The following KNTC1 variants were observed in gnomAD, a reference collection of about 807,000 sequenced individuals.
KNTC1 encodes kinetochore-associated protein 1.
KNTC1 carries 253 observed loss-of-function variants against 314.4 expected under a neutral mutation model. The observed-to-expected ratio is 0.80, with a 90% CI of 0.73 to 0.89. The LOEUF (loss-of-function observed/expected upper bound fraction) is 0.89, where lower values mean the gene tolerates loss of function less well. Ranked by LOEUF, KNTC1 falls within the 40% of genes least tolerant of loss-of-function variation. The probability of loss-of-function intolerance (pLI) is 0.00; values close to 1 mark genes in which losing one functional copy is unlikely to be tolerated. For synonymous variants in KNTC1, 901 were observed against 901.4 expected (o/e 1.00, Z 0.01); for missense variants, 2,475 against 2,572.9 (o/e 0.96, Z 0.82).
intron 43 of KNTC1, among the ~76,000 whole-genome samples, chr12:122,595,238 G>C (rs1593641819): frequency 6.6e-6 from 1 of 152,140 alleles, no homozygotes; most frequent in African/African-American, 2.4e-5. Flanking sequence ...TGATAAGTAG[G>C]GATAAATGAT....
intron 40 of KNTC1, among the ~76,000 whole-genome samples, chr12:122,589,858 A>C (rs1000244918): frequency 2.3e-5 from 3 of 132,182 alleles, no homozygotes; most frequent in Non-Finnish European, 4.6e-5. Context: ...ATTTCGGCTC[A>C]CTGCAAGCTC....
At chr12:122,608,647 G>A (rs1379565248) in intron 51 of KNTC1, among the ~76,000 whole-genome samples, 1 of 152,114 alleles carries the variant, frequency 6.6e-6, no homozygotes. Flanking sequence ...GTTCCTTGAG[G>A]CCAGAAACTG....
At position 122,613,117 on chromosome 12, in the gene KNTC1, A is replaced by G. The variant is rs771525911; in HGVS notation, c.5628A>G (p.Leu1876=). 6.2e-7 allele frequency: 1 copy of G among 1,600,318 alleles called. No homozygotes were observed. Among genetic ancestry groups the G allele is most frequent in the Non-Finnish European group, 8.6e-7 (1 of 1,168,524 alleles). ...FVFATSTTTT[L]GMHQLTFAHR... ...AACCTCTTTTGGTTTTTCAGACATT[A>G]GGTATGCATCAGTTAACTTTTGCCC... The change falls in exon 54 of 64, where the codon TTA becomes TTG. Residue 1876 remains leucine (L), a synonymous_variant. Transcript: ENST00000333479.
rs1472938231 is a variant in KNTC1, at chr12:122,605,282, TTTTC to T, written c.5387-20_5387-17del. The T allele has an allele frequency of 1.2e-5, 17 of 1,461,584 alleles. No homozygotes were observed. The South Asian group carries it at 1.5e-4, about 13-fold the overall frequency. The allele number at this position is 1,461,584 out of a possible 1,614,324, so 90.5% of individuals were successfully genotyped here. ...TAAATATTTAAAACTTGAGTTTTTC[TTTTC>T]TTTATTTTGAATATCTTAGATATTC... On this transcript the variant is annotated intron_variant, in intron 50 of 63. Transcript: ENST00000333479.
chr12:122,615,177 C>A, intron 56 of KNTC1, 91 bp downstream of exon 56: 3 of 947,096 alleles, frequency 3.2e-6, no homozygotes, highest in Admixed American at 2.4e-5. Context: ...TGTTATGGAA[C>A]AGATTTATGC....
Position 122,603,588 on chromosome 12 carries a change from G to A in KNTC1, c.5101+345G>A, listed in dbSNP as rs562100063. Reference sequence around the variant, plus strand: ...GCTCACCGCAACCTCCACCTCCCGGGTTCAAGTGATTCTCCTGCCTCAGTC... The same window carrying A: ...GCTCACCGCAACCTCCACCTCCCGGATTCAAGTGATTCTCCTGCCTCAGTC... On this transcript the variant is annotated intron_variant, in intron 48 of 63. Coordinates refer to ENST00000333479, the MANE Select transcript of KNTC1 (RefSeq NM_014708.6). Among the ~76,000 whole-genome samples the A allele has an allele frequency of 4.7e-4, 72 of 152,172 alleles. 1 individual carries two copies. The highest frequency in any genetic ancestry group is 3.4e-3 in the Middle Eastern group (1 of 294).
chr12:122,605,486 T>C lies in KNTC1; in HGVS notation c.5496+71T>C, dbSNP rs1872493631. The stretch of plus-strand genomic sequence containing the variant: ...ATGGCTTCTTCTCAAAGGCTAAATA[T>C]TTATCCCACATGATACAGCCTTCTA... On this transcript the variant is annotated intron_variant, in intron 51 of 63. Transcript: ENST00000333479. 7 of 722,226 alleles carry C rather than the reference T, an allele frequency of 9.7e-6. No individual in the cohort carries two copies. The East Asian group carries it at 1.4e-4, about 14-fold the overall frequency. The allele number at this position is 722,226 out of a possible 1,614,324, so 44.7% of individuals were successfully genotyped here. A position where few individuals can be genotyped will look rare whatever the true frequency, so the allele number is the denominator to read the frequency against.
chr12:122,594,488 A>G (rs4319547), intron 43 of KNTC1, 103 bp downstream of exon 43: 516,929 of 674,874 alleles, frequency 0.77, 199,596 homozygotes, highest in African/African-American at 0.88. Flanking sequence ...TCCATAGACC[A>G]CTATTTTCTT....
intron 8 of KNTC1, 142 bp downstream of exon 8, chr12:122,544,411 C>T: frequency 1.9e-6 from 1 of 532,470 alleles, no homozygotes; most frequent in Non-Finnish European, 3.3e-6. Context: ...TTAAAAATAA[C>T]TCAATAAATA....
chr12:122,575,349 C>A (rs1232105936), intron 27 of KNTC1, among the ~76,000 whole-genome samples, 194 bp from the exon 28 acceptor site: 1 of 152,196 alleles, frequency 6.6e-6, no homozygotes, highest in East Asian at 1.9e-4. Context: ...AAATACTCTT[C>A]TGAATTTTTC....
chr12:122,604,712 G>T, intron 49 of KNTC1, 75 bp downstream of exon 49: 1 of 1,266,314 alleles, frequency 7.9e-7, no homozygotes, highest in Non-Finnish European at 1.1e-6. Context: ...ACCTTCTCAT[G>T]CTGCCCTGGT....
At chr12:122,594,216 A>ATTAAG in intron 42 of KNTC1, 60 bp from the exon 43 acceptor site, 2 of 926,096 alleles carry the variant, frequency 2.2e-6, no homozygotes, top group Non-Finnish European at 3.5e-6. Context: ...TGTTGCCCTT[A>ATTAAG]CTCTGATACA....
intron 51 of KNTC1, 67 bp downstream of exon 51, chr12:122,605,482 A>C: frequency 1.3e-6 from 1 of 742,482 alleles, no homozygotes; most frequent in South Asian, 1.7e-5. Flanking sequence ...TCAAAGGCTA[A>C]ATATTTATCC....
intron 3 of KNTC1, among the ~76,000 whole-genome samples, chr12:122,535,889 G>GTTTT (rs1190271040): frequency 2.2e-5 from 3 of 133,532 alleles, no homozygotes; most frequent in East Asian, 2.2e-4. Flanking sequence ...TATTATGAAA[G>GTTTT]TTTTTTTTTT....
At position 122,598,778 on chromosome 12, in the gene KNTC1, G is replaced by A. The variant is rs935148523; in HGVS notation, c.4563+840G>A. Among the ~76,000 whole-genome samples, 20 of 151,422 alleles carry A rather than the reference G, an allele frequency of 1.3e-4. No individual in the cohort carries two copies. The South Asian group carries it at 1.7e-3, about 13-fold the overall frequency. ...TTCCATTATATGGATAAAACATGCCGTATTTAACCAGGCTTTTATGGTTAG... is the reference window on the plus strand; with the variant it reads ...TTCCATTATATGGATAAAACATGCCATATTTAACCAGGCTTTTATGGTTAG... On this transcript the variant is annotated intron_variant, in intron 44 of 63. Transcript: ENST00000333479.
rs568941805 is a variant in KNTC1, at chr12:122,541,439, C to T, written c.446-611C>T. ...TCAGCTCACTGCAACCTCCACTACC[C>T]GGGTTCAAGCAATTCTCCTGCCTCA... On this transcript the variant is annotated intron_variant, in intron 5 of 63. Coordinates refer to ENST00000333479, the MANE Select transcript of KNTC1 (RefSeq NM_014708.6). 9.3e-5 allele frequency among the ~76,000 whole-genome samples: 14 copies of T among 151,326 alleles called. No homozygotes were observed. In the South Asian group the frequency reaches 2.5e-3, roughly 27 times the overall value.
Position 122,557,426 on chromosome 12 carries a change from G to A in KNTC1, c.1315G>A (p.Ala439Thr), listed in dbSNP as rs371290628. Reference protein sequence around the residue: ...VKSNHILEKLALSSVDASEQT... With the variant: ...VKSNHILEKLTLSSVDASEQT... Reference sequence around the variant, plus strand: ...GTCAAATCATATATTGGAGAAACTGGCATTGAGTTCTGTGGATGCCAGTGA... The same window carrying A: ...GTCAAATCATATATTGGAGAAACTGACATTGAGTTCTGTGGATGCCAGTGA... Residue 439 changes from alanine (A) to threonine (T), a missense_variant, in exon 17 of 64, where the codon GCA (alanine) becomes ACA (threonine). Transcript: ENST00000333479. 1 of 1,613,670 alleles carries A rather than the reference G, an allele frequency of 6.2e-7. No individual in the cohort carries two copies. The highest frequency in any genetic ancestry group is 1.7e-5 in the Admixed American group (1 of 59,964).
chr12:122,543,753 C>A, intron 7 of KNTC1, 119 bp downstream of exon 7: 1 of 630,320 alleles, frequency 1.6e-6, no homozygotes. Context: ...TATGATATAA[C>A]ATTTTAATAA....
At chr12:122,547,231 T>C (rs536906340) in intron 10 of KNTC1, among the ~76,000 whole-genome samples, 184 bp from the exon 11 acceptor site, 3 of 151,514 alleles carry the variant, frequency 2.0e-5, no homozygotes, top group African/African-American at 7.3e-5. Context: ...AAAAATTAGC[T>C]GGGCGTGGTG....
Sources: allele counts gnomAD v4.1 joint callset (sites outside exome capture counted in the v4.1 genomes callset), GRCh38; gene constraint gnomAD v4.1.1; transcripts MANE v1.5; gene names NCBI Gene and HGNC (gene_info 2026-07-23, HGNC 2026-07-21).